PRKD1: variants seen among roughly 807,000 people sequenced by gnomAD.
The protein encoded by PRKD1 is serine/threonine-protein kinase D1.
PRKD1 carries 63 observed loss-of-function variants against 95.9 expected under a neutral mutation model. That is an observed-to-expected ratio of 0.66 (90% CI 0.54 to 0.81). The LOEUF (loss-of-function observed/expected upper bound fraction) is 0.81. Ranked by LOEUF, PRKD1 falls within the 30% of genes least tolerant of loss-of-function variation. The pLI, the probability that PRKD1 is intolerant of heterozygous loss-of-function variation, is 0.00. For synonymous variants in PRKD1, 425 were observed against 423.1 expected, an observed-to-expected ratio of 1.00 and a Z score of -0.05; for missense variants, 1,048 against 1,165.3, an observed-to-expected ratio of 0.90 and a Z score of 1.47.
chr14:29,804,387 C>A (rs573898713), intron 1 of PRKD1, among the ~76,000 whole-genome samples: 2 of 152,164 alleles, frequency 1.3e-5, no homozygotes, highest in Admixed American at 1.3e-4. Context: ...GACACTGATA[C>A]CAAGAATCAT....
intron 1 of PRKD1, among the ~76,000 whole-genome samples, chr14:29,797,475 A>G (rs965791227): frequency 6.6e-6 from 1 of 152,250 alleles, no homozygotes; most frequent in African/African-American, 2.4e-5. Flanking sequence ...CTGTTACAGC[A>G]TATGAAACAT....
At chr14:29,610,797 A>C (rs1423515272) in intron 13 of PRKD1, among the ~76,000 whole-genome samples, 1 of 152,256 alleles carries the variant, frequency 6.6e-6, no homozygotes, top group Admixed American at 6.5e-5. Flanking sequence ...ACTGTGGTAC[A>C]TCCAGGGAAT....
At chr14:29,654,121 C>T (rs938184344) in intron 4 of PRKD1, among the ~76,000 whole-genome samples, 2 of 151,698 alleles carry the variant, frequency 1.3e-5, no homozygotes, top group African/African-American at 4.8e-5. Flanking sequence ...TATTTGGATT[C>T]TAATAATGTT....
intron 1 of PRKD1, among the ~76,000 whole-genome samples, chr14:29,874,667 T>C (rs1048487964): frequency 6.6e-6 from 1 of 152,170 alleles, no homozygotes; most frequent in Non-Finnish European, 1.5e-5. Context: ...ACAGAAAGAA[T>C]GAAATCTTGT....
intron 1 of PRKD1, among the ~76,000 whole-genome samples, chr14:29,756,692 C>A (rs971519234): frequency 1.9e-4 from 29 of 152,166 alleles, no homozygotes; most frequent in African/African-American, 6.5e-4. Context: ...CCACAGCAGA[C>A]TAGGGGCTTT....
At chr14:29,613,166 A>G (rs1878599167) in intron 13 of PRKD1, among the ~76,000 whole-genome samples, 2 of 152,248 alleles carry the variant, frequency 1.3e-5, no homozygotes, top group Non-Finnish European at 2.9e-5. Flanking sequence ...TACATATTAG[A>G]TGAAACAACA....
rs752943237 is a variant in PRKD1, at chr14:29,895,241, C to T, written c.264+32008G>A. Among the ~76,000 whole-genome samples the T allele has an allele frequency of 3.7e-4, 56 of 152,100 alleles. 1 individual carries two copies. Among genetic ancestry groups the T allele is most frequent in the Admixed American group, 1.3e-3 (20 of 15,276 alleles). ...CTGAGGCAGGAGACTCGCTTGAACC[C>T]GGGAGGCAGAGGTTGCAGTGAGCCA... On this transcript the variant is annotated intron_variant, in intron 1 of 17. Coordinates refer to ENST00000331968, the MANE Select transcript of PRKD1 (RefSeq NM_002742.3).
At chr14:29,923,048 T>A (rs1258771330) in intron 1 of PRKD1, among the ~76,000 whole-genome samples, 1 of 151,748 alleles carries the variant, frequency 6.6e-6, no homozygotes, top group Non-Finnish European at 1.5e-5. Context: ...CTGGGCAATA[T>A]GGCAAAATAC....
intron 1 of PRKD1, among the ~76,000 whole-genome samples, chr14:29,908,225 AT>A (rs1894562461): frequency 6.6e-6 from 1 of 152,214 alleles, no homozygotes; most frequent in South Asian, 2.1e-4. Context: ...AAAAACAACA[AT>A]TTAATCTTAG....
At chr14:29,670,902 T>TTC (rs1260723742) in intron 2 of PRKD1, among the ~76,000 whole-genome samples, 1 of 152,116 alleles carries the variant, frequency 6.6e-6, no homozygotes, top group East Asian at 1.9e-4. Context: ...AACAAGAACA[T>TTC]TCAATAAATT....
At chr14:29,601,472 A>G (rs191636807) in intron 13 of PRKD1, among the ~76,000 whole-genome samples, 16 of 152,282 alleles carry the variant, frequency 1.1e-4, no homozygotes, top group Admixed American at 3.9e-4. Context: ...TTTAACCTCT[A>G]AAGGGCTAGA....
At chr14:29,896,998 AT>A (rs1186735628) in intron 1 of PRKD1, among the ~76,000 whole-genome samples, 1 of 151,720 alleles carries the variant, frequency 6.6e-6, no homozygotes. Context: ...AAAATTTATA[AT>A]TTTTTCATAT....
intron 4 of PRKD1, among the ~76,000 whole-genome samples, chr14:29,641,904 T>C (rs1262219127): frequency 1.5e-5 from 2 of 137,918 alleles, no homozygotes; most frequent in Non-Finnish European, 3.0e-5. Context: ...ATTTCTTTTT[T>C]TTTTTTTTTT....
chr14:29,762,323 T>C (rs776466242), intron 1 of PRKD1, among the ~76,000 whole-genome samples: 33 of 152,048 alleles, frequency 2.2e-4, no homozygotes, highest in Non-Finnish European at 4.0e-4. Context: ...TGAACTCCAC[T>C]CCCTTTGTCT....
chr14:29,680,883 G>T (rs906160324), intron 2 of PRKD1, among the ~76,000 whole-genome samples: 1 of 152,178 alleles, frequency 6.6e-6, no homozygotes, highest in Non-Finnish European at 1.5e-5. Flanking sequence ...ATTGTAAGAT[G>T]TGAAAACACG....
intron 1 of PRKD1, among the ~76,000 whole-genome samples, chr14:29,836,760 G>T (rs577162172): frequency 6.6e-6 from 1 of 152,264 alleles, no homozygotes; most frequent in East Asian, 1.9e-4. Context: ...TTCAGGAAAG[G>T]GGAGCACATG....
intron 13 of PRKD1, among the ~76,000 whole-genome samples, chr14:29,602,704 C>T (rs1432604337): frequency 2.0e-5 from 3 of 152,156 alleles, no homozygotes; most frequent in Non-Finnish European, 2.9e-5. Flanking sequence ...GCTGGGATTA[C>T]AGGCATGAGC....
chr14:29,926,175 T>C (rs1370742853), intron 1 of PRKD1, among the ~76,000 whole-genome samples: 1 of 152,180 alleles, frequency 6.6e-6, no homozygotes, highest in Non-Finnish European at 1.5e-5. Context: ...ACCCTTAAGA[T>C]TTAGCAAACT....
intron 2 of PRKD1, among the ~76,000 whole-genome samples, chr14:29,673,123 G>C (rs1433103798): frequency 3.3e-5 from 5 of 152,208 alleles, no homozygotes; most frequent in African/African-American, 1.2e-4. Context: ...CTGCCAGGAA[G>C]ATGTTGCTTG....
Sources: gnomAD v4.1 joint callset for allele counts (sites outside exome capture counted in the v4.1 genomes callset) on GRCh38, gnomAD v4.1.1 for gene constraint, MANE v1.5 for transcripts, NCBI Gene and HGNC (gene_info 2026-07-23, HGNC 2026-07-21) for gene names.